The following WNK1 variants were observed in gnomAD, a reference collection of about 807,000 sequenced individuals.
The protein encoded by WNK1 is serine/threonine-protein kinase WNK1.
A neutral mutation model predicts 222.8 loss-of-function variants in WNK1; 38 were observed. The ratio of observed to expected loss-of-function variants is 0.17; its 90% CI spans 0.13 to 0.22. The LOEUF (loss-of-function observed/expected upper bound fraction) is 0.22. Among genes scored for constraint, WNK1 ranks in the 10% least tolerant of loss-of-function variants. WNK1 has a pLI of 1.00. For missense variants in WNK1, 2,348 were observed against 2,918.4 expected, an observed-to-expected ratio of 0.80 and a Z score of 4.50; for synonymous variants, 1,090 against 1,092.9, an observed-to-expected ratio of 1.00 and a Z score of 0.05.
At chr12:842,694 T>C (rs1949718721) in intron 4 of WNK1, among the ~76,000 whole-genome samples, 1 of 152,182 alleles carries the variant, frequency 6.6e-6, no homozygotes. Flanking sequence ...ACTTGTTCCT[T>C]TGAATTTCTT....
Position 909,086 on chromosome 12 carries a change from C to G in WNK1, c.*294C>G, listed in dbSNP as rs923367150. ...TAATGAGGATGAGGGCTAGGAAAGT[C>G]TTGTTCATAAGGAAGCTGGAGAACT... is the stretch of plus-strand genomic sequence containing the variant. On this transcript the variant is annotated 3_prime_UTR_variant, in exon 28 of 28. Transcript: ENST00000315939. The G allele has an allele frequency of 1.3e-5, 5 of 395,570 alleles. No homozygotes were observed. The highest frequency in any genetic ancestry group is 1.0e-4 in the African/African-American group (5 of 49,366). 24.5% of individuals were successfully genotyped at this position (395,570 alleles called of 1,614,324 possible). A position where few individuals can be genotyped will look rare whatever the true frequency, so the allele number is the denominator to read the frequency against.
At chr12:777,233 G>A (rs1351526139) in intron 1 of WNK1, among the ~76,000 whole-genome samples, 1 of 150,792 alleles carries the variant, frequency 6.6e-6, no homozygotes, top group South Asian at 2.1e-4. Context: ...TGCGATCTTG[G>A]CCCACTGCAG....
chr12:775,329 C>T (rs1470361252), intron 1 of WNK1, among the ~76,000 whole-genome samples: 1 of 152,100 alleles, frequency 6.6e-6, no homozygotes, highest in Admixed American at 6.6e-5. Context: ...AATAGTCTTT[C>T]TTGTAACACA....
intron 8 of WNK1, among the ~76,000 whole-genome samples, chr12:863,979 GA>G (rs945086045): frequency 3.9e-5 from 6 of 152,128 alleles, no homozygotes; most frequent in Admixed American, 3.9e-4. Flanking sequence ...CCAAGTTTTG[GA>G]AATGAAAACA....
chr12:895,571 G>A (rs929673531), intron 23 of WNK1, among the ~76,000 whole-genome samples: 2 of 152,064 alleles, frequency 1.3e-5, no homozygotes, highest in Non-Finnish European at 2.9e-5. Flanking sequence ...TGATTCTCCT[G>A]CCTCAGCCTC....
chr12:883,805 C>T lies in WNK1; in HGVS notation c.3695C>T (p.Pro1232Leu). The change falls in exon 17 of 28, where the codon CCT (proline) becomes CTT (leucine). Residue 1232 changes from proline to leucine, a missense_variant. Around this residue, in one of 13 missense-constraint regions of WNK1, gnomAD observed 1,144 missense variants for 1,273.6 expected, o/e 0.90. Coordinates refer to ENST00000315939, the MANE Select transcript of WNK1 (RefSeq NM_018979.4). The stretch of plus-strand genomic sequence containing the variant: ...GAAGGAGAGTTCAAACAACCAATTC[C>T]TGCGTCTTCCATGCCACAGCAAATA... ...KLEGEFKQPI[P>L]ASSMPQQIGI... The T allele has an allele frequency of 6.2e-7, 1 of 1,614,074 alleles. No individual in the cohort carries two copies. The highest frequency in any genetic ancestry group is 8.5e-7 in the Non-Finnish European group (1 of 1,180,042).
chr12:857,367 G>T (rs1950865275), intron 5 of WNK1, 118 bp downstream of exon 5: 5 of 957,684 alleles, frequency 5.2e-6, no homozygotes, highest in Non-Finnish European at 8.2e-6. Flanking sequence ...CTCTATTTGT[G>T]CCTGTAACAT....
At chr12:868,940 G>A (rs1951911493) in intron 8 of WNK1, 1 of 1,589,872 alleles carries the variant, frequency 6.3e-7, no homozygotes, top group South Asian at 1.1e-5. Context: ...CCCTACAGGG[G>A]GAGCAGCTGC....
chr12:822,773 G>A (rs1345886836), intron 2 of WNK1, among the ~76,000 whole-genome samples: 1 of 152,120 alleles, frequency 6.6e-6, no homozygotes, highest in Non-Finnish European at 1.5e-5. Flanking sequence ...TTTAAATCAT[G>A]TAGGAAATAA....
chr12:904,321 T>A (rs72650786), intron 26 of WNK1: 2 of 550,846 alleles, frequency 3.6e-6, no homozygotes, highest in African/African-American at 3.9e-5. Context: ...GTTCAAGGGC[T>A]ACCAGGTCCT....
At chr12:904,608 A>T (rs748634839) in intron 26 of WNK1, 26 of 646,758 alleles carry the variant, frequency 4.0e-5, no homozygotes, top group Non-Finnish European at 6.3e-5. Context: ...CTATCTCTGT[A>T]TCCTATTCTA....
intron 1 of WNK1, among the ~76,000 whole-genome samples, chr12:776,206 A>C (rs1057264788): frequency 1.4e-5 from 2 of 146,074 alleles, no homozygotes; most frequent in African/African-American, 5.1e-5. Flanking sequence ...GCTAATTTTT[A>C]AAAGTTTTTG....
At position 830,169 on chromosome 12, in the gene WNK1, TC is replaced by T. The variant is rs773324259; in HGVS notation, c.1311+13del. On this transcript the variant is annotated intron_variant, in intron 4 of 27. Transcript: ENST00000315939. ...ACCGTCGCGTGACCAGTGTAAGTCT[TC>T]CCCTAACTGATTGTTGAACTTGGGG... 2.5e-6 allele frequency: 4 copies of T among 1,613,890 alleles called. No individual in the cohort carries two copies. The highest frequency in any genetic ancestry group is 3.4e-6 in the Non-Finnish European group (4 of 1,179,910).
chr12:900,618 C>T lies in WNK1; in HGVS notation c.6591C>T (p.Ala2197=). ...PSPSSDNLYS[A]FTSDGAISVP... ...CCTCCAGTGACAACCTCTATTCAGCCTTCACCAGTGATGGTGCCATTTCAG... is the reference window on the plus strand; with the variant it reads ...CCTCCAGTGACAACCTCTATTCAGCTTTCACCAGTGATGGTGCCATTTCAG... Residue 2197 remains alanine, a synonymous_variant, in exon 26 of 28, where the codon GCC becomes GCT. Coordinates refer to ENST00000315939, the MANE Select transcript of WNK1 (RefSeq NM_018979.4). The T allele has an allele frequency of 2.5e-6, 4 of 1,614,248 alleles. No individual in the cohort carries two copies. Among genetic ancestry groups the T allele is most frequent in the Non-Finnish European group, 3.4e-6 (4 of 1,180,042 alleles).
chr12:794,251 TG>T (rs1945103871), intron 1 of WNK1, among the ~76,000 whole-genome samples: 1 of 152,210 alleles, frequency 6.6e-6, no homozygotes, highest in African/African-American at 2.4e-5. Context: ...AACATATACT[TG>T]AATTTCTCTT....
rs978846228 is a variant in WNK1, at chr12:904,139, C to T, written c.6643+3469C>T. 6.6e-5 allele frequency among the ~76,000 whole-genome samples: 10 copies of T among 152,274 alleles called. No homozygotes were observed. The East Asian group carries it at 1.9e-3, about 29-fold the overall frequency. ...GGTATTTGAAATTCAAGCAGTGAGA[C>T]CTGAGAGACTGGAGTTCCTCGCCAA... On this transcript the variant is annotated intron_variant, in intron 26 of 27. Transcript: ENST00000315939.
rs775777142 is a variant in WNK1, at chr12:868,550, T to C, written c.2140-2715T>C. On this transcript the variant is annotated intron_variant, in intron 8 of 27. Transcript: ENST00000315939. ...CAGTACAGATGCTACACGTTTGAAA[T>C]TTCACCCTGTCTTTGTTCCTCATTC... The C allele has an allele frequency of 3.7e-6, 6 of 1,613,738 alleles. No homozygotes were observed. In the African/African-American group the frequency reaches 4.0e-5, roughly 11 times the overall value.
intron 4 of WNK1, among the ~76,000 whole-genome samples, chr12:844,298 G>T (rs1468616116): frequency 1.3e-5 from 2 of 152,010 alleles, no homozygotes; most frequent in Non-Finnish European, 2.9e-5. Flanking sequence ...ACCACAGCCG[G>T]CTAACATGTA....
chr12:787,526 A>G (rs984972418), intron 1 of WNK1, among the ~76,000 whole-genome samples: 1 of 152,232 alleles, frequency 6.6e-6, no homozygotes, highest in African/African-American at 2.4e-5. Context: ...GGTGTCAGTT[A>G]TTAACAAAAG....
Sources: allele counts gnomAD v4.1 joint callset (sites outside exome capture counted in the v4.1 genomes callset), GRCh38; gene constraint gnomAD v4.1.1; regional missense constraint gnomAD v4.1.1; transcripts MANE v1.5; gene names NCBI Gene and HGNC (gene_info 2026-07-23, HGNC 2026-07-21).